RALGAPA1: variants seen among roughly 807,000 people sequenced by gnomAD.
RALGAPA1 encodes the protein ral GTPase-activating protein subunit alpha-1.
In RALGAPA1, 52 loss-of-function variants were observed where a neutral mutation model predicts 269.6. The ratio of observed to expected loss-of-function variants is 0.19; its 90% CI spans 0.15 to 0.24. The LOEUF (loss-of-function observed/expected upper bound fraction) is 0.24, where lower values mean the gene tolerates loss of function less well. RALGAPA1 is among the 10% of genes least tolerant of loss of function. The pLI, the probability that RALGAPA1 is intolerant of heterozygous loss-of-function variation, is 1.00. For synonymous variants in RALGAPA1, 817 were observed against 1,008.3 expected, an observed-to-expected ratio of 0.81 and a Z score of 3.60; for missense variants, 1,917 against 3,013.9, an observed-to-expected ratio of 0.64 and a Z score of 8.52.
intron 1 of RALGAPA1, among the ~76,000 whole-genome samples, chr14:35,806,026 T>C (rs2077352681): frequency 6.6e-6 from 1 of 152,178 alleles, no homozygotes; most frequent in Non-Finnish European, 1.5e-5. Flanking sequence ...CTGTCTATAT[T>C]TGTTATCTTG....
Position 35,689,254 on chromosome 14 carries a change from T to G in RALGAPA1, c.3157A>C (p.Ser1053Arg). 1 of 1,232,374 alleles carries G rather than the reference T, an allele frequency of 8.1e-7. No homozygotes were observed. The allele number at this position is 1,232,374 out of a possible 1,614,324, so 76.3% of individuals were successfully genotyped here. A position where few individuals can be genotyped will look rare whatever the true frequency, so the allele number is the denominator to read the frequency against. The change falls in exon 18 of 42, where the codon AGC becomes CGC. Residue 1053 changes from serine to arginine, a missense_variant. Ser to Arg is a moderately radical substitution (Grantham distance 110). Around this residue, in one of 11 missense-constraint regions of RALGAPA1, gnomAD observed 615 missense variants for 790.0 expected, o/e 0.78. Transcript: ENST00000680220. ...TTCCTTTTTTCTTTATCACAAGGGCTATCTAAACTAGGCTCTGATGGCTGT... is the reference window on the plus strand; with the variant it reads ...TTCCTTTTTTCTTTATCACAAGGGCGATCTAAACTAGGCTCTGATGGCTGT... ...DKQPSEPSLD[S>R]PCDKEKRKHL...
intron 17 of RALGAPA1, among the ~76,000 whole-genome samples, chr14:35,699,497 C>T (rs533720176): frequency 6.6e-6 from 1 of 152,040 alleles, no homozygotes; most frequent in South Asian, 2.1e-4. Context: ...AAGAGCAGAC[C>T]GTGCCAGTAC....
At chr14:35,645,389 G>GTGTGTGTA (rs945897888) in intron 31 of RALGAPA1, among the ~76,000 whole-genome samples, 17 of 141,258 alleles carry the variant, frequency 1.2e-4, no homozygotes. Flanking sequence ...GTGTGTGTGT[G>GTGTGTGTA]TATATGTTAT....
At chr14:35,657,063 C>T (rs1265631183) in intron 28 of RALGAPA1, among the ~76,000 whole-genome samples, 1 of 152,068 alleles carries the variant, frequency 6.6e-6, no homozygotes, top group Non-Finnish European at 1.5e-5. Flanking sequence ...TTTTTTCTTG[C>T]ATGTAGAGTT....
At position 35,735,291 on chromosome 14, in the gene RALGAPA1, C is replaced by T. The variant is rs2070875967; in HGVS notation, c.1587+3222G>A. On this transcript the variant is annotated intron_variant, in intron 12 of 41. Transcript: ENST00000680220. ...TTTATAGCAGCACAACTTGCAACTG[C>T]AAATTGTGGTACCAACCCAAATACC... Among the ~76,000 whole-genome samples, 4 of 152,268 alleles carry T rather than the reference C, an allele frequency of 2.6e-5. No individual in the cohort carries two copies. The South Asian group carries it at 8.3e-4, about 32-fold the overall frequency.
At chr14:35,604,396 G>GA (rs1216181407) in intron 36 of RALGAPA1, among the ~76,000 whole-genome samples, 1 of 151,658 alleles carries the variant, frequency 6.6e-6, no homozygotes, top group African/African-American at 2.4e-5. Context: ...CACATATTTT[G>GA]AAATTAAACT....
rs1454169703 is a variant in RALGAPA1 at position 35,627,794 on chromosome 14, A to G, written c.6153T>C (p.Thr2051=). ...TCTCAAAGAGTTCAGGAGAAAGTTC[A>G]GTACTTTCACTGTAATGATTGTCGT... ...ENHDNHYSES[T]ELSPELFESP... Residue 2051 remains threonine, a synonymous_variant, in exon 34 of 42, where the codon ACT becomes ACC. Coordinates refer to ENST00000680220, the MANE Select transcript of RALGAPA1 (RefSeq NM_001346249.2). The G allele has an allele frequency of 6.3e-7, 1 of 1,590,930 alleles. No individual in the cohort carries two copies. The highest frequency in any genetic ancestry group is 1.1e-5 in the South Asian group (1 of 88,584).
At chr14:35,736,366 T>C (rs186813201) in intron 12 of RALGAPA1, among the ~76,000 whole-genome samples, 1 of 152,280 alleles carries the variant, frequency 6.6e-6, no homozygotes, top group African/African-American at 2.4e-5. Flanking sequence ...TTCACAGAAT[T>C]CAGATGAGAG....
chr14:35,785,479 G>A (rs2075731747), intron 1 of RALGAPA1, among the ~76,000 whole-genome samples: 1 of 152,062 alleles, frequency 6.6e-6, no homozygotes, highest in Non-Finnish European at 1.5e-5. Context: ...CACTGAATAA[G>A]GAAAATCCTA....
intron 1 of RALGAPA1, among the ~76,000 whole-genome samples, chr14:35,784,346 C>T (rs2075658557): frequency 6.6e-6 from 1 of 151,830 alleles, no homozygotes; most frequent in African/African-American, 2.4e-5. Context: ...AAAGATTATG[C>T]TAAGTGAAAG....
chr14:35,805,878 C>T (rs1418332001), intron 1 of RALGAPA1, among the ~76,000 whole-genome samples: 1 of 151,708 alleles, frequency 6.6e-6, no homozygotes, highest in Non-Finnish European at 1.5e-5. Flanking sequence ...AGAGTAGAGA[C>T]CCGGTTTCAC....
intron 39 of RALGAPA1, among the ~76,000 whole-genome samples, chr14:35,552,730 A>T (rs901129396): frequency 5.3e-5 from 8 of 151,780 alleles, no homozygotes; most frequent in African/African-American, 1.9e-4. Context: ...AAAAAAAAAA[A>T]AAAAATAACA....
chr14:35,741,998 TC>T (rs2071596316), intron 11 of RALGAPA1, among the ~76,000 whole-genome samples: 1 of 152,204 alleles, frequency 6.6e-6, no homozygotes, highest in South Asian at 2.1e-4. Flanking sequence ...AGTTACTCCT[TC>T]CAGGAAAGGA....
rs147396984 is a variant in RALGAPA1 at position 35,654,276 on chromosome 14, T to A, written c.5607+91A>T. 1.1e-4 allele frequency: 145 copies of A among 1,331,870 alleles called. 1 individual carries two copies. Among genetic ancestry groups the A allele is most frequent in the African/African-American group, 9.6e-4 (63 of 65,416 alleles). 82.5% of individuals were successfully genotyped at this position (1,331,870 alleles called of 1,614,324 possible). Reference sequence around the variant, plus strand: ...GCCATTATTTAGCTATGCAAAAAAATTTTAAAACTATTAAATAATTTTACA... The same window carrying A: ...GCCATTATTTAGCTATGCAAAAAAAATTTAAAACTATTAAATAATTTTACA... On this transcript the variant is annotated intron_variant, in intron 30 of 41. Coordinates refer to ENST00000680220, the MANE Select transcript of RALGAPA1 (RefSeq NM_001346249.2).
intron 3 of RALGAPA1, 147 bp from the exon 4 acceptor site, chr14:35,771,146 C>T (rs539553789): frequency 5.8e-5 from 20 of 347,086 alleles, no homozygotes; most frequent in Admixed American, 2.5e-4. Context: ...GTAATCCTAG[C>T]GCTTTGGGAA....
At chr14:35,609,181 C>G (rs1483008425) in intron 35 of RALGAPA1, among the ~76,000 whole-genome samples, 1 of 151,078 alleles carries the variant, frequency 6.6e-6, no homozygotes, top group South Asian at 2.1e-4. Context: ...GAGCCAAGAC[C>G]GCGCCACTGC....
Position 35,689,694 on chromosome 14 carries a change from C to T in RALGAPA1, c.2717G>A (p.Ser906Asn). 7.2e-7 allele frequency: 1 copy of T among 1,395,870 alleles called. No homozygotes were observed. Among genetic ancestry groups the T allele is most frequent in the South Asian group, 1.9e-5 (1 of 53,354 alleles). 86.5% of individuals were successfully genotyped at this position (1,395,870 alleles called of 1,614,324 possible). A position where few individuals can be genotyped will look rare whatever the true frequency, so the allele number is the denominator to read the frequency against. ...TAAATGACAAAGATGGTCATATATG[C>T]TATCACCAACTTCCAGAGAAGACTC... ...SRESSLEVGD[S>N]IYDHLCHLIG... is the part of the protein sequence containing the mutation. Residue 906 changes from serine (S) to asparagine (N), a missense_variant, in exon 18 of 42, where the codon AGC becomes AAC. Physicochemically the swap from Ser to Asn is conservative, Grantham distance 46. This residue lies in a region of RALGAPA1 where 615 missense variants were observed against 790.0 expected (regional missense o/e 0.78). Transcript: ENST00000680220.
At chr14:35,551,314 G>T (rs900491706) in intron 39 of RALGAPA1, among the ~76,000 whole-genome samples, 5 of 152,126 alleles carry the variant, frequency 3.3e-5, no homozygotes, top group African/African-American at 9.7e-5. Context: ...GAAGTATCTT[G>T]GTGGGCCCTA....
chr14:35,687,690 T>G (rs1026368730), intron 18 of RALGAPA1, among the ~76,000 whole-genome samples: 2 of 152,252 alleles, frequency 1.3e-5, no homozygotes, highest in African/African-American at 4.8e-5. Flanking sequence ...GTTACCATAA[T>G]CTTGCTTTCT....
Sources: gnomAD v4.1 joint callset for allele counts (sites outside exome capture counted in the v4.1 genomes callset) on GRCh38, gnomAD v4.1.1 for gene constraint, gnomAD v4.1.1 regional missense constraint, MANE v1.5 for transcripts, NCBI Gene and HGNC (gene_info 2026-07-23, HGNC 2026-07-21) for gene names.